The following ARRB2 variants were observed in gnomAD, a reference collection of about 807,000 sequenced individuals.
ARRB2 encodes the protein beta-arrestin-2.
Under a neutral mutation model 53.4 loss-of-function variants are expected in ARRB2, and 21 were observed. The ratio of observed to expected loss-of-function variants is 0.39; its 90% CI spans 0.28 to 0.57. The LOEUF (loss-of-function observed/expected upper bound fraction) is 0.57. Ranked by LOEUF, ARRB2 falls within the 20% of genes least tolerant of loss-of-function variation. The probability of loss-of-function intolerance (pLI) is 0.55; values close to 1 mark genes in which losing one functional copy is unlikely to be tolerated. For synonymous variants in ARRB2, 180 were observed against 212.9 expected (o/e 0.85, Z 1.34); for missense variants, 369 against 527.5 (o/e 0.70, Z 2.94).
chr17:4,721,137 C>A lies in ARRB2; in HGVS notation c.*98C>A. 1 of 1,272,478 alleles carries A rather than the reference C, an allele frequency of 7.9e-7. No individual in the cohort carries two copies. The highest frequency in any genetic ancestry group is 1.1e-6 in the Non-Finnish European group (1 of 894,218). 78.8% of individuals were successfully genotyped at this position (1,272,478 alleles called of 1,614,324 possible). A position where few individuals can be genotyped will look rare whatever the true frequency, so the allele number is the denominator to read the frequency against. ...TGGGGGATTGTCCCAGCCCCTCTTC[C>A]CTTCCCCTCACCTGGAAGCTTCTTC... On this transcript the variant is annotated 3_prime_UTR_variant, in exon 15 of 15. Transcript: ENST00000269260. This position sits in a 1 kb window ranked among gnomAD's most constrained non-coding sequence, Gnocchi z 4.2.
At chr17:4,718,850 C>T (rs1171883317) in intron 10 of ARRB2, among the ~76,000 whole-genome samples, 166 bp downstream of exon 10, 1 of 149,636 alleles carries the variant, frequency 6.7e-6, no homozygotes, top group Admixed American at 6.7e-5. Flanking sequence ...GGGGCAACCT[C>T]TGCTCACTGC....
At position 4,720,821 on chromosome 17, in the gene ARRB2, C is replaced by T. The variant is rs1567688279; in HGVS notation, c.1137-125C>T. On this transcript the variant is annotated intron_variant, in intron 14 of 14. Transcript: ENST00000269260. ...TTTTCTTTGTCCCTTCCTGTAAATACCTCTGGTCCCACTGCTGTTCGAACG... is the reference window on the plus strand; with the variant it reads ...TTTTCTTTGTCCCTTCCTGTAAATATCTCTGGTCCCACTGCTGTTCGAACG... 5 of 1,107,722 alleles carry T rather than the reference C, an allele frequency of 4.5e-6. No individual in the cohort carries two copies. In the African/African-American group the frequency reaches 4.7e-5, roughly 10 times the overall value. The allele number at this position is 1,107,722 out of a possible 1,614,324, so 68.6% of individuals were successfully genotyped here. A position where few individuals can be genotyped will look rare whatever the true frequency, so the allele number is the denominator to read the frequency against.
In ARRB2 at chr17:4,717,938, C is replaced by T; in HGVS notation, c.536C>T (p.Pro179Leu). 1.2e-6 allele frequency: 2 copies of T among 1,613,834 alleles called. No homozygotes were observed. The highest frequency in any genetic ancestry group is 1.7e-6 in the Non-Finnish European group (2 of 1,180,014). ...IRKVQFAPEK[P>L]GPQPSAETTR... is the part of the protein sequence containing the mutation. ...AAGGTGCAGTTCGCCCCGGAGAAAC[C>T]CGGCCCCCAGCCTTCAGCCGAAACC... is the stretch of plus-strand genomic sequence containing the variant. The change falls in exon 8 of 15, where the codon CCC (proline) becomes CTC (leucine). Residue 179 changes from proline to leucine, a missense_variant. Transcript: ENST00000269260. The surrounding 1 kb of genome is among the most constrained non-coding windows in gnomAD (Gnocchi z 6.0).
chr17:4,717,585 G>A lies in ARRB2; in HGVS notation c.418-100G>A. 6.7e-7 allele frequency: 1 copy of A among 1,490,484 alleles called. No individual in the cohort carries two copies. Among genetic ancestry groups the A allele is most frequent in the Non-Finnish European group, 9.3e-7 (1 of 1,073,394 alleles). 92.3% of individuals were successfully genotyped at this position (1,490,484 alleles called of 1,614,324 possible). A position where few individuals can be genotyped will look rare whatever the true frequency, so the allele number is the denominator to read the frequency against. On this transcript the variant is annotated intron_variant, in intron 6 of 14. Coordinates refer to ENST00000269260, the MANE Select transcript of ARRB2 (RefSeq NM_004313.4). The surrounding 1 kb of genome is among the most constrained non-coding windows in gnomAD (Gnocchi z 6.0). ...CCCAGGGTCGTGAGACCACAATGAGGCAAGAGTCCCTGCCCGAGAGGAGGG... is the reference window on the plus strand; with the variant it reads ...CCCAGGGTCGTGAGACCACAATGAGACAAGAGTCCCTGCCCGAGAGGAGGG...
At position 4,720,461 on chromosome 17, in the gene ARRB2, G is replaced by T; in HGVS notation, c.1070G>T (p.Arg357Ile). 1 of 1,611,328 alleles carries T rather than the reference G, an allele frequency of 6.2e-7. No individual in the cohort carries two copies. Among genetic ancestry groups the T allele is most frequent in the South Asian group, 1.1e-5 (1 of 90,934 alleles). ...PKPHDHIPLP[R>I]PQSAAPETDV... ...CCCCACGACCACATCCCCCTCCCCA[G>T]ACCCCAGTCAGGTGAGCACACTACC... Residue 357 changes from arginine (R) to isoleucine (I), a missense_variant, in exon 13 of 15, where the codon AGA (arginine) becomes ATA (isoleucine). Arg to Ile is a moderately conservative substitution (Grantham distance 97). Coordinates refer to ENST00000269260, the MANE Select transcript of ARRB2 (RefSeq NM_004313.4).
chr17:4,715,340 C>T (rs566435265), intron 2 of ARRB2: 12 of 440,684 alleles, frequency 2.7e-5, no homozygotes, highest in Non-Finnish European at 4.5e-5. Context: ...ACCCAAGGTG[C>T]GTGGGGCTGG....
At chr17:4,719,785 G>A (rs1007928451) in intron 11 of ARRB2, among the ~76,000 whole-genome samples, 2 of 152,112 alleles carry the variant, frequency 1.3e-5, no homozygotes, top group Admixed American at 6.5e-5. Context: ...GAATGGGGAG[G>A]TGCCATCGTG....
chr17:4,715,480 C>CACAG, intron 2 of ARRB2: 5 of 131,894 alleles, frequency 3.8e-5, no homozygotes, highest in African/African-American at 5.5e-5. Context: ...AACACACACA[C>CACAG]ACACAGACAC....
At chr17:4,712,451 G>C (rs79941802) in intron 1 of ARRB2, among the ~76,000 whole-genome samples, 31 of 152,370 alleles carry the variant, frequency 2.0e-4, no homozygotes, top group African/African-American at 7.5e-4. Flanking sequence ...CAGAGCTGGA[G>C]ACCAGATGGA....
At chr17:4,712,274 T>C (rs971338653) in intron 1 of ARRB2, among the ~76,000 whole-genome samples, 1 of 152,262 alleles carries the variant, frequency 6.6e-6, no homozygotes, top group African/African-American at 2.4e-5. Context: ...TCTCTTTTAT[T>C]GGTTAGGAAT....
intron 9 of ARRB2, 104 bp from the exon 10 acceptor site, chr17:4,718,508 C>A: frequency 7.7e-7 from 1 of 1,306,182 alleles, no homozygotes; most frequent in Non-Finnish European, 1.1e-6. Context: ...GTGTTTACTG[C>A]TTCAGTGGGG....
chr17:4,717,231 T>G lies in ARRB2; in HGVS notation c.372T>G (p.Leu124=), dbSNP rs1413539720. The change falls in exon 6 of 15, where the codon CTT becomes CTG. Residue 124 remains leucine (L), a synonymous_variant. Transcript: ENST00000269260. This position sits in a 1 kb window ranked among gnomAD's most constrained non-coding sequence, Gnocchi z 6.0. ...CTCCGCCACAGATACCCCAGAATCT[T>G]CCATGCTCCGTCACACTGCAGCCAG... ...HPFFFTIPQN[L]PCSVTLQPGP... is the part of the protein sequence containing the mutation. 1 of 1,613,974 alleles carries G rather than the reference T, an allele frequency of 6.2e-7. No individual in the cohort carries two copies. The highest frequency in any genetic ancestry group is 2.2e-5 in the East Asian group (1 of 44,894).
In ARRB2 at chr17:4,721,446, G is replaced by C. The variant is rs1056697316; in HGVS notation, c.*407G>C. 4.5e-5 allele frequency: 18 copies of C among 399,930 alleles called. No individual in the cohort carries two copies. The highest frequency in any genetic ancestry group is 3.3e-4 in the African/African-American group (16 of 48,546). The allele number at this position is 399,930 out of a possible 1,614,324, so 24.8% of individuals were successfully genotyped here. Reference sequence around the variant, plus strand: ...CAAGAGGAGACCCTTTGGGGACAAGGCCGTTTCTTTGTTTCTGAGCATAAA... The same window carrying C: ...CAAGAGGAGACCCTTTGGGGACAAGCCCGTTTCTTTGTTTCTGAGCATAAA... On this transcript the variant is annotated 3_prime_UTR_variant, in exon 15 of 15. Transcript: ENST00000269260. The surrounding 1 kb of genome is among the most constrained non-coding windows in gnomAD (Gnocchi z 4.2).
In ARRB2 at chr17:4,715,049, T is replaced by A. The variant is rs1369237115; in HGVS notation, c.54+6T>A. The A allele has an allele frequency of 6.2e-7, 1 of 1,605,550 alleles. No homozygotes were observed. The highest frequency in any genetic ancestry group is 1.7e-5 in the Admixed American group (1 of 58,712). Reference sequence around the variant, plus strand: ...AGTCGAGCCCTAACTGCAAGGTGAGTCTCCACAGCACTTACCCTTTTGACC... The same window carrying A: ...AGTCGAGCCCTAACTGCAAGGTGAGACTCCACAGCACTTACCCTTTTGACC... On this transcript the variant is annotated splice_donor_region_variant and intron_variant, in intron 2 of 14. Transcript: ENST00000269260.
chr17:4,718,185 T>A, intron 8 of ARRB2, 76 bp from the exon 9 acceptor site: 5 of 1,548,898 alleles, frequency 3.2e-6, no homozygotes, highest in Non-Finnish European at 4.4e-6. Context: ...GAACAATGTG[T>A]CTGTGTTTGG....
chr17:4,717,503 C>A lies in ARRB2; in HGVS notation c.418-182C>A. ...TCTGGGGATGGGGGCTCCCCTTGCACTACCATGACCAAGCCTCTGCCAGGT... is the reference window on the plus strand; with the variant it reads ...TCTGGGGATGGGGGCTCCCCTTGCAATACCATGACCAAGCCTCTGCCAGGT... On this transcript the variant is annotated intron_variant, in intron 6 of 14. Transcript: ENST00000269260. This position sits in a 1 kb window ranked among gnomAD's most constrained non-coding sequence, Gnocchi z 6.0. 1.1e-6 allele frequency: 1 copy of A among 932,256 alleles called. No individual in the cohort carries two copies. Among genetic ancestry groups the A allele is most frequent in the Non-Finnish European group, 1.6e-6 (1 of 614,416 alleles). The allele number at this position is 932,256 out of a possible 1,614,324, so 57.7% of individuals were successfully genotyped here.
intron 1 of ARRB2, among the ~76,000 whole-genome samples, chr17:4,711,234 G>A (rs1914369920): frequency 6.6e-6 from 1 of 151,956 alleles, no homozygotes; most frequent in Non-Finnish European, 1.5e-5. Context: ...ACCTTCCCTT[G>A]GGTTGCCAGG....
rs1914816135 is a variant in ARRB2, at chr17:4,715,175, G to A, written c.54+132G>A. 3 of 1,074,240 alleles carry A rather than the reference G, an allele frequency of 2.8e-6. No homozygotes were observed. The South Asian group carries it at 4.9e-5, about 17-fold the overall frequency. 66.5% of individuals were successfully genotyped at this position (1,074,240 alleles called of 1,614,324 possible). ...GCTCCCCACTTCCTGTGACAGCTAA[G>A]CGCCGACTTCCTTCCCTCCTGAAGC... On this transcript the variant is annotated intron_variant, in intron 2 of 14. Coordinates refer to ENST00000269260, the MANE Select transcript of ARRB2 (RefSeq NM_004313.4).
intron 8 of ARRB2, 32 bp downstream of exon 8, chr17:4,718,055 G>A (rs780649479): frequency 2.9e-5 from 46 of 1,611,218 alleles, no homozygotes; most frequent in Non-Finnish European, 3.5e-5. Flanking sequence ...CGGATGCCAC[G>A]GTGCAGTTTA....
Sources: allele counts gnomAD v4.1 joint callset (sites outside exome capture counted in the v4.1 genomes callset), GRCh38; gene constraint gnomAD v4.1.1; non-coding constraint Gnocchi (gnomAD v3.1); transcripts MANE v1.5; gene names NCBI Gene and HGNC (gene_info 2026-07-23, HGNC 2026-07-21).